The following DEFB134 variants were observed in gnomAD, a reference collection of about 807,000 sequenced individuals.
DEFB134 encodes beta-defensin 134.
A neutral mutation model predicts 7.4 loss-of-function variants in DEFB134; 7 were observed. That is an observed-to-expected ratio of 0.95 (90% CI 0.54 to 1.79). The LOEUF (loss-of-function observed/expected upper bound fraction) is 1.79. Among genes scored for constraint, DEFB134 ranks in the 40% most tolerant of loss-of-function variants. DEFB134 has a pLI of 0.00. For missense variants in DEFB134, 105 were observed against 74.8 expected, an observed-to-expected ratio of 1.40 and a Z score of -1.49; for synonymous variants, 33 against 25.0, an observed-to-expected ratio of 1.32 and a Z score of -0.96.
chr8:11,996,653 C>G (rs1331084361), upstream of DEFB134, among the ~76,000 whole-genome samples: 1 of 152,154 alleles, frequency 6.6e-6, no homozygotes, highest in Non-Finnish European at 1.5e-5. Context: ...CAAGGATGGA[C>G]AAGTTACAGA....
In DEFB134 at chr8:11,994,137, A is replaced by G; in HGVS notation, c.59-15T>C. 1.2e-6 allele frequency: 2 copies of G among 1,607,810 alleles called. No individual in the cohort carries two copies. The highest frequency in any genetic ancestry group is 1.1e-5 in the South Asian group (1 of 89,826). ...TGAATTTATACCTGGAAGGAAAATG[A>G]ATAGAAAGATAATTCACTACAGGCC... On this transcript the variant is annotated splice_polypyrimidine_tract_variant and intron_variant, in intron 1 of 1. Transcript: ENST00000526438.
upstream of DEFB134, chr8:11,999,303 GA>G: frequency 2.3e-5 from 5 of 218,930 alleles, no homozygotes; most frequent in Admixed American, 4.4e-5. Flanking sequence ...ATCACTCTGA[GA>G]AAAAAAGACC....
At chr8:11,998,618 C>T (rs902693153), upstream of DEFB134, among the ~76,000 whole-genome samples, 1 of 151,962 alleles carries the variant, frequency 6.6e-6, no homozygotes, top group East Asian at 1.9e-4. Context: ...AAGAACCTAA[C>T]ATCACACTTA....
chr8:11,997,746 A>T (rs945796512), upstream of DEFB134, among the ~76,000 whole-genome samples: 6 of 152,226 alleles, frequency 3.9e-5, no homozygotes, highest in Non-Finnish European at 5.9e-5. Context: ...CTATGAAGAG[A>T]CTTAGATAAC....
exon 2 of DEFB134, chr8:11,993,906 T>G: frequency 1.9e-6 from 3 of 1,560,706 alleles, no homozygotes; most frequent in Non-Finnish European, 2.6e-6. Flanking sequence ...CAGTTTGATC[T>G]AAATTCCCTG....
chr8:11,994,862 TGA>T (rs1258006359), intron 1 of DEFB134, among the ~76,000 whole-genome samples: 37 of 152,256 alleles, frequency 2.4e-4, no homozygotes, highest in African/African-American at 7.7e-4. Flanking sequence ...AAAATATCTC[TGA>T]GAGAGGAAAA....
upstream of DEFB134, among the ~76,000 whole-genome samples, chr8:11,998,694 G>A (rs1435854672): frequency 1.3e-5 from 2 of 152,000 alleles, no homozygotes; most frequent in African/African-American, 4.8e-5. Context: ...ACCAAAATCA[G>A]AGCTGAACTG....
chr8:11,994,487 G>A (rs1428673455), intron 1 of DEFB134, among the ~76,000 whole-genome samples: 1 of 152,176 alleles, frequency 6.6e-6, no homozygotes, highest in Non-Finnish European at 1.5e-5. Context: ...TTGAAAGCAA[G>A]CTCTCATCAG....
At chr8:12,000,490 C>T (rs1296079718), upstream of DEFB134, among the ~76,000 whole-genome samples, 2 of 152,098 alleles carry the variant, frequency 1.3e-5, no homozygotes, top group African/African-American at 2.4e-5. Flanking sequence ...TTCCAAGACC[C>T]CCAGTAGATG....
upstream of DEFB134, among the ~76,000 whole-genome samples, chr8:12,000,527 C>A (rs756919656): frequency 1.3e-5 from 2 of 152,132 alleles, no homozygotes; most frequent in African/African-American, 2.4e-5. Flanking sequence ...ATACTGAACT[C>A]TATATATACA....
upstream of DEFB134, among the ~76,000 whole-genome samples, chr8:11,997,787 C>G (rs993629392): frequency 1.3e-5 from 2 of 152,152 alleles, no homozygotes; most frequent in African/African-American, 4.8e-5. Context: ...CATTGACACC[C>G]CACTGACAGT....
upstream of DEFB134, among the ~76,000 whole-genome samples, chr8:11,997,815 G>C (rs1428532878): frequency 6.6e-6 from 1 of 152,108 alleles, no homozygotes; most frequent in South Asian, 2.1e-4. Context: ...AGATACTTGA[G>C]GCAGAAAACA....
upstream of DEFB134, among the ~76,000 whole-genome samples, chr8:11,998,027 C>T (rs1222099821): frequency 1.3e-5 from 2 of 152,082 alleles, no homozygotes; most frequent in Admixed American, 6.5e-5. Flanking sequence ...TCTCAGACCG[C>T]AATGCAATAA....
At chr8:11,997,844 C>A (rs147920001), upstream of DEFB134, among the ~76,000 whole-genome samples, 1 of 152,150 alleles carries the variant, frequency 6.6e-6, no homozygotes. Context: ...TATTGAGGAC[C>A]TAAACTCAAC....
rs201947103 is a variant in DEFB134 at position 11,993,935 on chromosome 8, G to C, written c.*45C>G. 23 of 1,586,962 alleles carry C rather than the reference G, an allele frequency of 1.4e-5. No homozygotes were observed. The East Asian group carries it at 4.3e-4, about 29-fold the overall frequency. On this transcript the variant is annotated 3_prime_UTR_variant, in exon 2 of 2. Coordinates refer to ENST00000526438, the Ensembl canonical transcript of DEFB134. The stretch of plus-strand genomic sequence containing the variant: ...TTCCCTGGTTTTGTGAAAGATGGCA[G>C]AATCAAGGGCCTACAGGATAGTGGC...
At chr8:11,993,748 G>C (rs1168698506) in exon 2 of DEFB134, 2 of 448,810 alleles carry the variant, frequency 4.5e-6, no homozygotes, top group African/African-American at 4.1e-5. Context: ...TCACGTTGAG[G>C]TGAGAAAATA....
upstream of DEFB134, chr8:11,996,383 A>G: frequency 1.1e-6 from 1 of 928,408 alleles, no homozygotes; most frequent in Non-Finnish European, 1.7e-6. Context: ...TCAGGTAGAT[A>G]TGCTACACTG....
At chr8:11,994,845 G>T (rs1800075246) in intron 1 of DEFB134, among the ~76,000 whole-genome samples, 1 of 152,116 alleles carries the variant, frequency 6.6e-6, no homozygotes, top group Admixed American at 6.6e-5. Flanking sequence ...AAAAAGAGAA[G>T]AAATACAAAA....
upstream of DEFB134, among the ~76,000 whole-genome samples, chr8:11,998,516 C>T (rs376631408): frequency 4.6e-5 from 7 of 151,970 alleles, no homozygotes; most frequent in African/African-American, 1.7e-4. Context: ...AGGTACAATA[C>T]CAGAATCCCT....
Sources: allele counts gnomAD v4.1 joint callset (sites outside exome capture counted in the v4.1 genomes callset), GRCh38; gene constraint gnomAD v4.1.1; transcripts MANE v1.5; gene names NCBI Gene and HGNC (gene_info 2026-07-23, HGNC 2026-07-21).